Variants in CACNA2D3 observed in about 807,000 individuals in gnomAD.
The protein encoded by CACNA2D3 is voltage-dependent calcium channel subunit alpha-2/delta-3.
Under a neutral mutation model 160.6 loss-of-function variants are expected in CACNA2D3, and 60 were observed. The observed-to-expected ratio is 0.37, with a 90% CI of 0.30 to 0.46. The LOEUF is 0.46. Among genes scored for constraint, CACNA2D3 ranks in the 20% least tolerant of loss-of-function variants. The probability of loss-of-function intolerance (pLI) is 1.00; values close to 1 mark genes in which losing one functional copy is unlikely to be tolerated. For missense variants in CACNA2D3, 1,205 were observed against 1,365.0 expected (o/e 0.88, Z 1.85); for synonymous variants, 558 against 492.9 (o/e 1.13, Z -1.75).
intron 3 of CACNA2D3, among the ~76,000 whole-genome samples, chr3:54,329,245 T>C (rs1704190537): frequency 6.6e-6 from 1 of 152,232 alleles, no homozygotes. Flanking sequence ...TCTTTTCTTG[T>C]CCCAACTTGC....
chr3:54,749,293 C>T (rs1004473294), intron 11 of CACNA2D3, among the ~76,000 whole-genome samples: 3 of 152,290 alleles, frequency 2.0e-5, no homozygotes, highest in African/African-American at 4.8e-5. Flanking sequence ...GCCCACTACA[C>T]GAATGTACCA....
At chr3:54,517,234 G>C (rs568832809) in intron 5 of CACNA2D3, among the ~76,000 whole-genome samples, 17 of 152,198 alleles carry the variant, frequency 1.1e-4, no homozygotes, top group Non-Finnish European at 2.4e-4. Context: ...GACTCCCCTC[G>C]AGCAGTGGCT....
intron 4 of CACNA2D3, among the ~76,000 whole-genome samples, chr3:54,424,604 G>T (rs1440411734): frequency 6.6e-6 from 1 of 152,068 alleles, no homozygotes; most frequent in African/African-American, 2.4e-5. Context: ...CCAGTCAGAT[G>T]CTGAGCTGCA....
chr3:54,401,469 C>G (rs1354532209), intron 4 of CACNA2D3, among the ~76,000 whole-genome samples: 2 of 152,102 alleles, frequency 1.3e-5, no homozygotes, highest in Non-Finnish European at 2.9e-5. Flanking sequence ...TATCAAAAGT[C>G]AATGACAAAG....
At chr3:54,147,091 G>A (rs1458858200) in intron 2 of CACNA2D3, among the ~76,000 whole-genome samples, 3 of 152,198 alleles carry the variant, frequency 2.0e-5, no homozygotes, top group Non-Finnish European at 2.9e-5. Context: ...AACAGTGCAC[G>A]CCTACCAAAA....
intron 6 of CACNA2D3, 98 bp from the exon 7 acceptor site, chr3:54,569,697 C>A: frequency 2.0e-6 from 2 of 985,394 alleles, no homozygotes; most frequent in Non-Finnish European, 3.1e-6. Context: ...TGTGATTTTT[C>A]ACCCTGTCCA....
intron 31 of CACNA2D3, 85 bp from the exon 32 acceptor site, chr3:55,004,678 T>C (rs1046775153): frequency 3.5e-6 from 3 of 853,624 alleles, no homozygotes; most frequent in African/African-American, 3.4e-5. Context: ...TTGATGATAG[T>C]GACTGCTCAC....
At chr3:54,726,588 A>G (rs939149944) in intron 11 of CACNA2D3, among the ~76,000 whole-genome samples, 3 of 152,164 alleles carry the variant, frequency 2.0e-5, no homozygotes, top group African/African-American at 7.2e-5. Flanking sequence ...GGAGCAGAAC[A>G]GAGGCCTCGG....
chr3:54,243,034 G>A (rs915253000), intron 2 of CACNA2D3, among the ~76,000 whole-genome samples: 3 of 152,310 alleles, frequency 2.0e-5, no homozygotes, highest in Admixed American at 6.5e-5. Flanking sequence ...ATTTGGGTCC[G>A]GGTGAATTGC....
At chr3:55,043,485 T>A (rs980414389) in intron 35 of CACNA2D3, among the ~76,000 whole-genome samples, 43 of 152,168 alleles carry the variant, frequency 2.8e-4, no homozygotes, top group African/African-American at 8.2e-4. Flanking sequence ...TTTTGCTCAT[T>A]TTAAAAAAAA....
At chr3:54,215,406 AG>A (rs1201139058) in intron 2 of CACNA2D3, among the ~76,000 whole-genome samples, 65 of 152,230 alleles carry the variant, frequency 4.3e-4, no homozygotes, top group Non-Finnish European at 1.5e-4. Flanking sequence ...TAACTATAGC[AG>A]CTATTCTGTG....
At chr3:54,302,909 C>T (rs550648168) in intron 2 of CACNA2D3, among the ~76,000 whole-genome samples, 1 of 152,084 alleles carries the variant, frequency 6.6e-6, no homozygotes, top group South Asian at 2.1e-4. Context: ...TGATCTTATT[C>T]ATCTTCATGC....
chr3:54,289,169 GC>G lies in CACNA2D3; in HGVS notation c.205-31270del, dbSNP rs1703116974. Among the ~76,000 whole-genome samples the G allele has an allele frequency of 3.3e-5, 5 of 152,142 alleles. No individual in the cohort carries two copies. The South Asian group carries it at 1.0e-3, about 32-fold the overall frequency. ...ATATCTAGAAAGCCCCATCATCTCA[GC>G]CCAAAATCTCCTTCAGCTGATAAGC... On this transcript the variant is annotated intron_variant, in intron 2 of 37. Transcript: ENST00000474759.
At chr3:54,738,327 A>G (rs990569954) in intron 11 of CACNA2D3, among the ~76,000 whole-genome samples, 1 of 152,178 alleles carries the variant, frequency 6.6e-6, no homozygotes, top group African/African-American at 2.4e-5. Context: ...GAAAAGCTCT[A>G]GTCTCCCAAA....
chr3:54,280,504 A>C (rs185889144), intron 2 of CACNA2D3, among the ~76,000 whole-genome samples: 2 of 152,066 alleles, frequency 1.3e-5, no homozygotes, highest in Admixed American at 6.5e-5. Context: ...AATGTAGTGT[A>C]GGGGGGACAG....
At chr3:54,302,008 A>G (rs1312237725) in intron 2 of CACNA2D3, among the ~76,000 whole-genome samples, 1 of 152,216 alleles carries the variant, frequency 6.6e-6, no homozygotes, top group Non-Finnish European at 1.5e-5. Context: ...ACAATTATAC[A>G]GGAAACTTTA....
intron 4 of CACNA2D3, among the ~76,000 whole-genome samples, chr3:54,481,389 T>A (rs1205213758): frequency 1.3e-5 from 2 of 152,128 alleles, no homozygotes; most frequent in Non-Finnish European, 1.5e-5. Flanking sequence ...AGTTGTGTGA[T>A]CTCCATTTCC....
chr3:54,271,782 T>C (rs1253076730), intron 2 of CACNA2D3, among the ~76,000 whole-genome samples: 1 of 152,190 alleles, frequency 6.6e-6, no homozygotes, highest in East Asian at 1.9e-4. Context: ...TCTGGTGCCC[T>C]GCTGTCACCT....
chr3:54,887,438 CAAATAAATAA>C (rs1284706077), intron 23 of CACNA2D3, among the ~76,000 whole-genome samples: 2 of 151,880 alleles, frequency 1.3e-5, no homozygotes, highest in African/African-American at 2.4e-5. Flanking sequence ...AAAAAATAAA[CAAATAAATAA>C]AAATAAATAA....
Sources: gnomAD v4.1 joint callset for allele counts (sites outside exome capture counted in the v4.1 genomes callset) on GRCh38, gnomAD v4.1.1 for gene constraint, MANE v1.5 for transcripts, NCBI Gene and HGNC (gene_info 2026-07-23, HGNC 2026-07-21) for gene names.